SPAG17: variants seen among roughly 807,000 people sequenced by gnomAD.
SPAG17 encodes sperm associated antigen 17, also known as sperm-associated antigen 17.
A neutral mutation model predicts 273.6 loss-of-function variants in SPAG17; 169 were observed. The ratio of observed to expected loss-of-function variants is 0.62; its 90% CI spans 0.55 to 0.70. SPAG17 has a LOEUF of 0.70. Ranked by LOEUF, SPAG17 falls within the 30% of genes least tolerant of loss-of-function variation. The pLI is 0.00. For missense variants in SPAG17, 2,557 were observed against 2,627.8 expected, an observed-to-expected ratio of 0.97 and a Z score of 0.59; for synonymous variants, 825 against 873.2, an observed-to-expected ratio of 0.94 and a Z score of 0.97.
chr1:118,086,924 CT>C lies in SPAG17; in HGVS notation c.1443del (p.Ala482LeufsTer42). On this transcript the variant is annotated frameshift_variant, in exon 11 of 49. Coordinates refer to ENST00000336338, the MANE Select transcript of SPAG17 (RefSeq NM_206996.4). LOFTEE classifies it high-confidence loss of function. ...GAGGGCAGAAGGGACACAATGTGAGCTGCGATTCTGTGGTCTAGCCCGTCTG... is the reference window on the plus strand; with the variant it reads ...GAGGGCAGAAGGGACACAATGTGAGCGCGATTCTGTGGTCTAGCCCGTCTG... ...PRADGLDHRIAAHIVSLLPSL... is the reference protein window; with the variant it reads ...PRADGLDHRIXAHIVSLLPSL... 4.3e-6 allele frequency: 7 copies of C among 1,612,632 alleles called. No homozygotes were observed. The highest frequency in any genetic ancestry group is 3.4e-5 in the Admixed American group (2 of 59,450).
chr1:118,057,540 GA>G (rs1184648524), intron 18 of SPAG17, among the ~76,000 whole-genome samples: 2 of 151,992 alleles, frequency 1.3e-5, no homozygotes, highest in African/African-American at 4.8e-5. Context: ...CTTCAAATGA[GA>G]GAACAAAATA....
At chr1:118,177,271 A>T (rs1005106278) in intron 1 of SPAG17, among the ~76,000 whole-genome samples, 1 of 152,190 alleles carries the variant, frequency 6.6e-6, no homozygotes, top group African/African-American at 2.4e-5. Flanking sequence ...AGGAGAAGCA[A>T]AGGCACATCT....
intron 29 of SPAG17, among the ~76,000 whole-genome samples, chr1:118,013,846 C>T (rs1355676343): frequency 2.0e-5 from 3 of 152,040 alleles, no homozygotes; most frequent in Non-Finnish European, 4.4e-5. Context: ...CCTGTTAGTG[C>T]CAGGTCTGGT....
intron 31 of SPAG17, among the ~76,000 whole-genome samples, chr1:118,007,453 T>C (rs1024050897): frequency 2.0e-5 from 3 of 152,220 alleles, no homozygotes; most frequent in African/African-American, 7.2e-5. Context: ...CTTTTAAGGC[T>C]AAAGGAACTG....
chr1:118,091,567 A>C (rs1558006509), intron 10 of SPAG17, 39 bp downstream of exon 10: 5 of 1,130,420 alleles, frequency 4.4e-6, no homozygotes, highest in Non-Finnish European at 5.3e-6. Context: ...AGATGAAACG[A>C]CTTACTCAAG....
chr1:118,073,584 AT>A (rs931802688), intron 17 of SPAG17, among the ~76,000 whole-genome samples: 3 of 152,170 alleles, frequency 2.0e-5, no homozygotes, highest in Admixed American at 2.0e-4. Flanking sequence ...CAGCAAAAAA[AT>A]ATATATATGC....
chr1:118,044,372 C>T (rs1650109503), intron 20 of SPAG17, among the ~76,000 whole-genome samples: 1 of 151,838 alleles, frequency 6.6e-6, no homozygotes, highest in Admixed American at 6.6e-5. Context: ...GTAATCCCAG[C>T]TACTCGGGAG....
chr1:118,099,866 T>C (rs1335266806), intron 5 of SPAG17, 66 bp from the exon 6 acceptor site: 3 of 1,390,690 alleles, frequency 2.2e-6, no homozygotes, highest in African/African-American at 1.4e-5. Flanking sequence ...ACTCAGCCAG[T>C]TCAATGGCTA....
intron 25 of SPAG17, among the ~76,000 whole-genome samples, chr1:118,030,044 T>C (rs1648260046): frequency 6.6e-6 from 1 of 152,216 alleles, no homozygotes; most frequent in Admixed American, 6.5e-5. Flanking sequence ...TATCATTTAT[T>C]TTAAAAATGT....
At chr1:118,100,987 C>T (rs922049956) in intron 5 of SPAG17, among the ~76,000 whole-genome samples, 1 of 152,122 alleles carries the variant, frequency 6.6e-6, no homozygotes, top group Non-Finnish European at 1.5e-5. Flanking sequence ...TTTTATTTTG[C>T]TTTATAATTA....
In SPAG17 at chr1:118,185,215, C is replaced by T; in HGVS notation, c.-58G>A. The stretch of plus-strand genomic sequence containing the variant: ...TGGGCGCAGGCCCTGCCTAAGCGTC[C>T]CCGCTACCACAGTAACCGAAGCCAC... On this transcript the variant is annotated 5_prime_UTR_variant, in exon 1 of 49. Transcript: ENST00000336338. 7.2e-7 allele frequency: 1 copy of T among 1,392,374 alleles called. No homozygotes were observed. Among genetic ancestry groups the T allele is most frequent in the Non-Finnish European group, 1.0e-6 (1 of 978,816 alleles). The allele number at this position is 1,392,374 out of a possible 1,614,324, so 86.3% of individuals were successfully genotyped here. A position where few individuals can be genotyped will look rare whatever the true frequency, so the allele number is the denominator to read the frequency against.
intron 45 of SPAG17, 22 bp downstream of exon 45, chr1:117,971,841 A>G (rs1389629207): frequency 6.3e-7 from 1 of 1,596,936 alleles, no homozygotes. Flanking sequence ...ACCTGAGCAG[A>G]CCTTTGGTCC....
chr1:118,021,771 G>C (rs1444529000), intron 28 of SPAG17, among the ~76,000 whole-genome samples: 1 of 152,230 alleles, frequency 6.6e-6, no homozygotes, highest in South Asian at 2.1e-4. Context: ...GGGGGACACT[G>C]TGCTAGAAGC....
intron 15 of SPAG17, among the ~76,000 whole-genome samples, chr1:118,075,458 C>T (rs939380824): frequency 6.6e-6 from 1 of 152,214 alleles, no homozygotes; most frequent in African/African-American, 2.4e-5. Context: ...TAACATAGAT[C>T]AACGAACATC....
chr1:118,079,287 A>C (rs1015939931), intron 15 of SPAG17, among the ~76,000 whole-genome samples: 2 of 152,158 alleles, frequency 1.3e-5, no homozygotes, highest in African/African-American at 4.8e-5. Context: ...TTCTTGGGTC[A>C]TTATTGGTAA....
intron 7 of SPAG17, among the ~76,000 whole-genome samples, chr1:118,096,192 C>T (rs1391522769): frequency 6.6e-6 from 1 of 152,124 alleles, no homozygotes; most frequent in Non-Finnish European, 1.5e-5. Flanking sequence ...TCAAGTCTGG[C>T]CACCCTCTTC....
At chr1:118,150,046 A>G (rs1659285138) in intron 3 of SPAG17, among the ~76,000 whole-genome samples, 2 of 152,170 alleles carry the variant, frequency 1.3e-5, no homozygotes, top group Admixed American at 1.3e-4. Flanking sequence ...TTTCATATCG[A>G]TTAAAGTGGG....
rs1395193134 is a variant in SPAG17 at position 117,981,337 on chromosome 1, C to A, written c.5937G>T (p.Glu1979Asp). The A allele has an allele frequency of 6.2e-7, 1 of 1,601,672 alleles. No homozygotes were observed. Among genetic ancestry groups the A allele is most frequent in the Admixed American group, 1.8e-5 (1 of 55,664 alleles). Reference protein sequence around the residue: ...SSSVPSLPKPEISADKKDFTA... With the variant: ...SSSVPSLPKPDISADKKDFTA... ...TGAAATCCTTCTTATCTGCAGAAAT[C>A]TCTGGTTTTGGAAGACTAGGCACAC... Residue 1979 changes from glutamate (E) to aspartate (D), a missense_variant, in exon 43 of 49, where the codon GAG becomes GAT. Physicochemically the swap from Glu to Asp is conservative, Grantham distance 45. Transcript: ENST00000336338.
chr1:118,030,627 T>C (rs928570571), intron 25 of SPAG17, among the ~76,000 whole-genome samples: 1 of 152,102 alleles, frequency 6.6e-6, no homozygotes, highest in African/African-American at 2.4e-5. Context: ...GTGTGTGATG[T>C]TCCCCTCCCT....
Sources: allele counts gnomAD v4.1 joint callset (sites outside exome capture counted in the v4.1 genomes callset), GRCh38; gene constraint gnomAD v4.1.1; transcripts MANE v1.5; gene names NCBI Gene and HGNC (gene_info 2026-07-23, HGNC 2026-07-21).